Variants in IFNGR2 observed in about 807,000 individuals in gnomAD.
IFNGR2 encodes IFN-gamma receptor 2.
IFNGR2 carries 15 observed loss-of-function variants against 41.1 expected under a neutral mutation model. That is an observed-to-expected ratio of 0.37 (90% CI 0.24 to 0.56). The LOEUF is 0.56. Ranked by LOEUF, IFNGR2 falls within the 20% of genes least tolerant of loss-of-function variation. IFNGR2 has a pLI of 0.81. For synonymous variants in IFNGR2, 161 were observed against 171.6 expected, an observed-to-expected ratio of 0.94 and a Z score of 0.48; for missense variants, 362 against 415.7, an observed-to-expected ratio of 0.87 and a Z score of 1.12.
At chr21:33,403,809 G>A (rs2083658462) in intron 1 of IFNGR2, among the ~76,000 whole-genome samples, 193 bp downstream of exon 1, 1 of 152,198 alleles carries the variant, frequency 6.6e-6, no homozygotes, top group Admixed American at 6.5e-5. Flanking sequence ...GCCCCAGGTG[G>A]GGGTCTTGCG....
chr21:33,414,842 C>G (rs2083742537), intron 1 of IFNGR2, 46 bp from the exon 2 acceptor site: 1 of 1,568,030 alleles, frequency 6.4e-7, no homozygotes, highest in Non-Finnish European at 8.7e-7. Context: ...TTATTTCCCT[C>G]TCTCTCCTCC....
intron 2 of IFNGR2, among the ~76,000 whole-genome samples, chr21:33,415,860 CTGTT>C (rs761066794): frequency 3.9e-5 from 6 of 152,046 alleles, no homozygotes; most frequent in Non-Finnish European, 5.9e-5. Flanking sequence ...GCATGTGTGT[CTGTT>C]TGTTGTTGTT....
intron 4 of IFNGR2, among the ~76,000 whole-genome samples, chr21:33,431,432 T>C (rs2083886370): frequency 6.6e-6 from 1 of 152,010 alleles, no homozygotes; most frequent in Non-Finnish European, 1.5e-5. Flanking sequence ...GAGCCAGACA[T>C]GATGGTGGGT....
At chr21:33,434,501 G>A (rs906774515) in intron 6 of IFNGR2, among the ~76,000 whole-genome samples, 1 of 152,080 alleles carries the variant, frequency 6.6e-6, no homozygotes. Flanking sequence ...TAGCTTGGGT[G>A]GCAGAGCAAG....
rs1472178400 is a variant in IFNGR2 at position 33,410,828 on chromosome 21, A to C, written c.74-4060A>C. 3.3e-6 allele frequency: 5 copies of C among 1,529,024 alleles called. 1 individual carries two copies. The highest frequency in any genetic ancestry group is 4.4e-6 in the Non-Finnish European group (5 of 1,127,336). 94.7% of individuals were successfully genotyped at this position (1,529,024 alleles called of 1,614,324 possible). Reference sequence around the variant, plus strand: ...ATTCATAACTCATAATCTAAAATTTATGCTCAGCACAGCTAACTTTGGAGA... The same window carrying C: ...ATTCATAACTCATAATCTAAAATTTCTGCTCAGCACAGCTAACTTTGGAGA... On this transcript the variant is annotated intron_variant, in intron 1 of 6. Coordinates refer to ENST00000290219, the MANE Select transcript of IFNGR2 (RefSeq NM_005534.4).
Position 33,437,386 on chromosome 21 carries a change from C to T in IFNGR2, c.*424C>T, listed in dbSNP as rs1059293. 103,441 of 179,596 alleles carry T rather than the reference C, an allele frequency of 0.58. 32,060 individuals carry two copies. The highest frequency in any genetic ancestry group is 0.83 in the East Asian group (5,420 of 6,540). 11.1% of individuals were successfully genotyped at this position (179,596 alleles called of 1,614,324 possible). A position where few individuals can be genotyped will look rare whatever the true frequency, so the allele number is the denominator to read the frequency against. Reference sequence around the variant, plus strand: ...CACAACCTGTCCCAGCGAGGGACACCGAGTGGCCCTTCATGTACATCCATG... The same window carrying T: ...CACAACCTGTCCCAGCGAGGGACACTGAGTGGCCCTTCATGTACATCCATG... On this transcript the variant is annotated 3_prime_UTR_variant, in exon 7 of 7. Transcript: ENST00000290219.
chr21:33,418,674 G>A (rs978890937), intron 2 of IFNGR2, among the ~76,000 whole-genome samples: 1 of 152,142 alleles, frequency 6.6e-6, no homozygotes, highest in African/African-American at 2.4e-5. Context: ...CACTTGATGG[G>A]AGAATTTCAA....
chr21:33,419,379 A>T (rs2083774863), intron 2 of IFNGR2, among the ~76,000 whole-genome samples: 1 of 152,056 alleles, frequency 6.6e-6, no homozygotes, highest in Admixed American at 6.6e-5. Flanking sequence ...AAGTGCTGGG[A>T]TTACAGGTGT....
chr21:33,405,564 T>C (rs2083671778), intron 1 of IFNGR2, among the ~76,000 whole-genome samples: 2 of 152,198 alleles, frequency 1.3e-5, no homozygotes, highest in African/African-American at 4.8e-5. Flanking sequence ...AGTGGTGATC[T>C]GTGGACTGTT....
chr21:33,423,670 A>G (rs1262214704), intron 3 of IFNGR2, among the ~76,000 whole-genome samples: 2 of 151,614 alleles, frequency 1.3e-5, no homozygotes, highest in African/African-American at 4.8e-5. Flanking sequence ...CCAAAGTGCT[A>G]GGATTACAGG....
In IFNGR2 at chr21:33,413,684, C is replaced by G. The variant is rs140208212; in HGVS notation, c.74-1204C>G. 2.4e-4 allele frequency among the ~76,000 whole-genome samples: 36 copies of G among 151,970 alleles called. No homozygotes were observed. In the East Asian group the frequency reaches 6.6e-3, roughly 28 times the overall value. On this transcript the variant is annotated intron_variant, in intron 1 of 6. Coordinates refer to ENST00000290219, the MANE Select transcript of IFNGR2 (RefSeq NM_005534.4). ...GGAGTTGTGGCAGTTTCTTCTAGGTCCCCGAAGGCTCCCTGTGAAGTACCT... is the reference window on the plus strand; with the variant it reads ...GGAGTTGTGGCAGTTTCTTCTAGGTGCCCGAAGGCTCCCTGTGAAGTACCT...
At chr21:33,415,140 C>T in intron 2 of IFNGR2, 120 bp downstream of exon 2, 1 of 1,245,128 alleles carries the variant, frequency 8.0e-7, no homozygotes, top group Non-Finnish European at 1.2e-6. Context: ...GTGGGAAACA[C>T]ATCGTTCTTG....
In IFNGR2 at chr21:33,421,331, C is replaced by CAAA. The variant is rs569309072; in HGVS notation, c.207-132_207-130dup. On this transcript the variant is annotated intron_variant, in intron 2 of 6. Coordinates refer to ENST00000290219, the MANE Select transcript of IFNGR2 (RefSeq NM_005534.4). Reference sequence around the variant, plus strand: ...TGGGTGACAGAGCAAAACTCCATCTCAAAAAAAAAAAAAAAAAAAGCGGGG... The same window carrying CAAA: ...TGGGTGACAGAGCAAAACTCCATCTCAAAAAAAAAAAAAAAAAAAAAAGCGGGG... 5.1e-3 allele frequency: 2,318 copies of CAAA among 458,596 alleles called. 3 individuals carry two copies. Among genetic ancestry groups the CAAA allele is most frequent in the Admixed American group, 5.3e-3 (124 of 23,506 alleles). The allele number at this position is 458,596 out of a possible 1,614,324, so 28.4% of individuals were successfully genotyped here. A position where few individuals can be genotyped will look rare whatever the true frequency, so the allele number is the denominator to read the frequency against.
At chr21:33,404,569 GTGGTA>G (rs915148082) in intron 1 of IFNGR2, among the ~76,000 whole-genome samples, 2 of 152,104 alleles carry the variant, frequency 1.3e-5, no homozygotes, top group African/African-American at 4.8e-5. Context: ...TCCCAAGAAG[GTGGTA>G]TTATTGGCCA....
chr21:33,403,655 C>A, intron 1 of IFNGR2, 39 bp downstream of exon 1: 1 of 1,275,904 alleles, frequency 7.8e-7, no homozygotes, highest in Non-Finnish European at 9.9e-7. Context: ...GACGCGGGCG[C>A]AGCCGCAGCA....
At chr21:33,435,882 CAAAAAAA>C (rs35251279) in intron 6 of IFNGR2, among the ~76,000 whole-genome samples, 713 of 48,246 alleles carry the variant, frequency 0.015, 9 homozygotes, top group African/African-American at 0.066. Flanking sequence ...GACTCCGTCT[CAAAAAAA>C]AAAAAAAAAA....
At chr21:33,424,560 T>G (rs150886546) in intron 3 of IFNGR2, among the ~76,000 whole-genome samples, 1 of 152,058 alleles carries the variant, frequency 6.6e-6, no homozygotes, top group Non-Finnish European at 1.5e-5. Flanking sequence ...GTAATGGATA[T>G]GGAGGTGGTT....
intron 1 of IFNGR2, among the ~76,000 whole-genome samples, chr21:33,412,061 C>T (rs1347541810): frequency 6.6e-6 from 1 of 152,140 alleles, no homozygotes; most frequent in East Asian, 1.9e-4. Context: ...GCAGCTGGGA[C>T]TACAGGTGCG....
At chr21:33,421,400 G>T in intron 2 of IFNGR2, 80 bp from the exon 3 acceptor site, 3 of 1,103,014 alleles carry the variant, frequency 2.7e-6, no homozygotes, top group Non-Finnish European at 4.2e-6. Flanking sequence ...ATAAACCTGC[G>T]TTTTGAACAA....
Sources: allele counts gnomAD v4.1 joint callset (sites outside exome capture counted in the v4.1 genomes callset), GRCh38; gene constraint gnomAD v4.1.1; transcripts MANE v1.5; gene names NCBI Gene and HGNC (gene_info 2026-07-23, HGNC 2026-07-21).